The following PHACTR1 variants were observed in gnomAD, a reference collection of about 807,000 sequenced individuals.
PHACTR1 encodes phosphatase and actin regulator 1.
PHACTR1 carries 16 observed loss-of-function variants against 69.2 expected under a neutral mutation model. The observed-to-expected ratio is 0.23, with a 90% CI of 0.16 to 0.35. The LOEUF (loss-of-function observed/expected upper bound fraction) is 0.35, where lower values mean the gene tolerates loss of function less well. Among genes scored for constraint, PHACTR1 ranks in the 10% least tolerant of loss-of-function variants. The probability of loss-of-function intolerance (pLI) is 1.00; values close to 1 mark genes in which losing one functional copy is unlikely to be tolerated. For missense variants in PHACTR1, 510 were observed against 734.7 expected (o/e 0.69, Z 3.54); for synonymous variants, 312 against 284.5 (o/e 1.10, Z -0.97).
At position 13,238,581 on chromosome 6, in the gene PHACTR1, GAA is replaced by G. The variant is rs759447612; in HGVS notation, c.1391+8391_1391+8392del. Among the ~76,000 whole-genome samples, 8 of 152,326 alleles carry G rather than the reference GAA, an allele frequency of 5.3e-5. No individual in the cohort carries two copies. The East Asian group carries it at 5.8e-4, about 11-fold the overall frequency. ...AAATCATGGTACGGTGTTCAAGAGA[GAA>G]AATTGAAATCCATTTTTTATGCTTG... On this transcript the variant is annotated intron_variant, in intron 10 of 14. Transcript: ENST00000332995.
rs912516632 is a variant in PHACTR1 at position 13,145,282 on chromosome 6, T to A, written c.416-14922T>A. Among the ~76,000 whole-genome samples the A allele has an allele frequency of 2.0e-5, 3 of 152,360 alleles. No individual in the cohort carries two copies. In the South Asian group the frequency reaches 6.2e-4, roughly 32 times the overall value. The stretch of plus-strand genomic sequence containing the variant: ...TAAATATGGGTATTACCTTATCATA[T>A]ATGTATACAAGAAGAAAGTTAAATT... On this transcript the variant is annotated intron_variant, in intron 5 of 14. Transcript: ENST00000332995.
chr6:12,925,466 G>A (rs556559219), intron 4 of PHACTR1, among the ~76,000 whole-genome samples: 45 of 152,218 alleles, frequency 3.0e-4, no homozygotes, highest in African/African-American at 1.0e-3. Flanking sequence ...TCTAAGGTAC[G>A]AAACTGTTCT....
chr6:13,036,410 A>G (rs4361612), intron 4 of PHACTR1, among the ~76,000 whole-genome samples: 25,056 of 152,244 alleles, frequency 0.16, 2,567 homozygotes, highest in South Asian at 0.26. Context: ...CACGCATTAA[A>G]TGGTTGTTCA....
chr6:13,157,982 A>C (rs150448759), intron 5 of PHACTR1, among the ~76,000 whole-genome samples: 3 of 152,134 alleles, frequency 2.0e-5, no homozygotes, highest in African/African-American at 7.2e-5. Context: ...CCCGGGTTCA[A>C]GCAATCCTCC....
chr6:12,840,042 C>T (rs1561933701), intron 4 of PHACTR1, among the ~76,000 whole-genome samples: 1 of 152,082 alleles, frequency 6.6e-6, no homozygotes, highest in East Asian at 1.9e-4. Context: ...TCAGCCCTTG[C>T]TCCTGTACTT....
At chr6:12,776,955 A>G (rs143024783) in intron 4 of PHACTR1, among the ~76,000 whole-genome samples, 196 of 152,284 alleles carry the variant, frequency 1.3e-3, no homozygotes, top group African/African-American at 4.6e-3. Context: ...AGTCAAAATA[A>G]TAGTGGTGTA....
chr6:12,905,390 G>A (rs1434351540), intron 4 of PHACTR1, among the ~76,000 whole-genome samples: 2 of 152,196 alleles, frequency 1.3e-5, no homozygotes, highest in Non-Finnish European at 2.9e-5. Context: ...TGGTTCTAGA[G>A]CTGCCTGTTC....
chr6:12,857,339 C>T (rs758281294), intron 4 of PHACTR1, among the ~76,000 whole-genome samples: 9 of 152,128 alleles, frequency 5.9e-5, no homozygotes, highest in South Asian at 2.1e-4. Flanking sequence ...TCGTCAGGCG[C>T]GGTGGTTCAT....
intron 5 of PHACTR1, among the ~76,000 whole-genome samples, chr6:13,087,652 C>T (rs1812523972): frequency 6.9e-6 from 1 of 144,920 alleles, no homozygotes; most frequent in African/African-American, 2.5e-5. Context: ...AGCAGGCTTT[C>T]TTTTTTTTTT....
intron 3 of PHACTR1, among the ~76,000 whole-genome samples, chr6:12,720,545 C>A (rs1028980875): frequency 6.6e-6 from 1 of 151,948 alleles, no homozygotes; most frequent in Non-Finnish European, 1.5e-5. Flanking sequence ...GTTTAGACAC[C>A]GGAGCTGGAA....
chr6:12,758,501 A>G (rs926820751), intron 4 of PHACTR1, among the ~76,000 whole-genome samples: 1 of 150,358 alleles, frequency 6.7e-6, no homozygotes, highest in Non-Finnish European at 1.5e-5. Context: ...CCAGAGATAA[A>G]TATTTGACAT....
rs1014007041 is a variant in PHACTR1, at chr6:12,837,018, A to C, written c.250+87228A>C. Among the ~76,000 whole-genome samples, 28 of 152,088 alleles carry C rather than the reference A, an allele frequency of 1.8e-4. 1 individual carries two copies. Among genetic ancestry groups the C allele is most frequent in the Admixed American group, 6.6e-4 (10 of 15,264 alleles). On this transcript the variant is annotated intron_variant, in intron 4 of 14. Coordinates refer to ENST00000332995, the MANE Select transcript of PHACTR1 (RefSeq NM_030948.6). ...TAAAACACCAGCCCAGAACTCCTTGAGGAGATGGATTTGAGAGCTTCCTCC... is the reference window on the plus strand; with the variant it reads ...TAAAACACCAGCCCAGAACTCCTTGCGGAGATGGATTTGAGAGCTTCCTCC...
chr6:12,934,525 A>G (rs1437932953), intron 4 of PHACTR1, among the ~76,000 whole-genome samples: 1 of 152,040 alleles, frequency 6.6e-6, no homozygotes, highest in Admixed American at 6.6e-5. Context: ...GCATTTACTC[A>G]CCAGATGTGT....
At chr6:13,053,296 A>C in intron 4 of PHACTR1, 69 bp from the exon 5 acceptor site, 1 of 1,432,902 alleles carries the variant, frequency 7.0e-7, no homozygotes. Flanking sequence ...AACGTTGGCC[A>C]TCTGTGAGGC....
chr6:12,749,458 CT>C (rs1166063809), intron 3 of PHACTR1, 185 bp from the exon 4 acceptor site: 1 of 677,794 alleles, frequency 1.5e-6, no homozygotes, highest in African/African-American at 1.8e-5. Flanking sequence ...CCTTTCTCTC[CT>C]TTGCTCTCTT....
intron 14 of PHACTR1, 120 bp from the exon 15 acceptor site, chr6:13,286,943 G>T (rs986407093): frequency 7.7e-6 from 8 of 1,038,628 alleles, no homozygotes; most frequent in Admixed American, 2.3e-5. Flanking sequence ...TGGGGATGAC[G>T]GTGGGAAGCT....
At chr6:13,205,591 T>C (rs1343024273) in intron 7 of PHACTR1, among the ~76,000 whole-genome samples, 1 of 152,208 alleles carries the variant, frequency 6.6e-6, no homozygotes, top group Non-Finnish European at 1.5e-5. Flanking sequence ...AATGTCTGGG[T>C]TCCTGAAGGC....
chr6:13,230,436 C>T, intron 10 of PHACTR1: 2 of 799,710 alleles, frequency 2.5e-6, no homozygotes, highest in Non-Finnish European at 3.5e-6. Context: ...GTCCCAGCTA[C>T]TCGGGAGGCT....
intron 4 of PHACTR1, among the ~76,000 whole-genome samples, chr6:12,947,359 G>A (rs879742578): frequency 1.4e-5 from 2 of 139,432 alleles, no homozygotes; most frequent in African/African-American, 2.7e-5. Flanking sequence ...TTTTTTTTCT[G>A]TGATGACAAC....
Sources: allele counts gnomAD v4.1 joint callset (sites outside exome capture counted in the v4.1 genomes callset), GRCh38; gene constraint gnomAD v4.1.1; transcripts MANE v1.5; gene names NCBI Gene and HGNC (gene_info 2026-07-23, HGNC 2026-07-21).